The following RBBP5 variants were observed in gnomAD, a reference collection of about 807,000 sequenced individuals.
The protein encoded by RBBP5 is RB binding protein 5, histone lysine methyltransferase complex subunit.
Under a neutral mutation model 72.2 loss-of-function variants are expected in RBBP5, and 5 were observed. The ratio of observed to expected loss-of-function variants is 0.07; its 90% confidence interval spans 0.04 to 0.15. The LOEUF is 0.15. Among genes scored for constraint, RBBP5 ranks in the 10% least tolerant of loss-of-function variants. The probability of loss-of-function intolerance (pLI) is 1.00; values close to 1 mark genes in which losing one functional copy is unlikely to be tolerated. For synonymous variants in RBBP5, 209 were observed against 237.2 expected (o/e 0.88, Z 1.09); for missense variants, 322 against 652.2 (o/e 0.49, Z 5.51).
chr1:205,098,130 T>C (rs943344973), intron 10 of RBBP5, among the ~76,000 whole-genome samples: 11 of 152,234 alleles, frequency 7.2e-5, no homozygotes, highest in African/African-American at 2.7e-4. Flanking sequence ...GTGCTTATTA[T>C]GGCCTAGGCA....
intron 1 of RBBP5, among the ~76,000 whole-genome samples, chr1:205,118,818 G>T (rs916232239): frequency 6.6e-6 from 1 of 152,140 alleles, no homozygotes; most frequent in Non-Finnish European, 1.5e-5. Flanking sequence ...TATCTCCGGT[G>T]CACACTGGTG....
intron 5 of RBBP5, among the ~76,000 whole-genome samples, chr1:205,101,988 C>T (rs1176093225): frequency 6.6e-6 from 1 of 151,040 alleles, no homozygotes; most frequent in Admixed American, 6.6e-5. Flanking sequence ...CCTCTGCCTC[C>T]TGGGTTCAAG....
intron 3 of RBBP5, among the ~76,000 whole-genome samples, chr1:205,107,946 CAAA>C (rs772446580): frequency 8.0e-5 from 8 of 100,032 alleles, no homozygotes; most frequent in Non-Finnish European, 9.7e-5. Flanking sequence ...AAATCTGTCT[CAAA>C]AAAAAAAAAA....
chr1:205,094,822 A>G, intron 13 of RBBP5, 51 bp downstream of exon 13: 1 of 1,547,916 alleles, frequency 6.5e-7, no homozygotes, highest in East Asian at 2.3e-5. Context: ...CAAGGGCTAC[A>G]CAAAGCAAGG....
chr1:205,095,363 A>T (rs1655570150), intron 12 of RBBP5, among the ~76,000 whole-genome samples: 1 of 73,468 alleles, frequency 1.4e-5, no homozygotes, highest in Non-Finnish European at 2.9e-5. Context: ...TTCTTAAAAC[A>T]TTATGAGTTT....
At chr1:205,115,574 A>C (rs1310416749) in intron 2 of RBBP5, among the ~76,000 whole-genome samples, 1 of 152,176 alleles carries the variant, frequency 6.6e-6, no homozygotes, top group African/African-American at 2.4e-5. Context: ...AAAAGCACAA[A>C]CCTATGATGG....
In RBBP5 at chr1:205,121,893, C is replaced by T; in HGVS notation, c.-20G>A. The T allele has an allele frequency of 2.5e-6, 4 of 1,610,034 alleles. No individual in the cohort carries two copies. The highest frequency in any genetic ancestry group is 2.5e-6 in the Non-Finnish European group (3 of 1,179,946). The stretch of plus-strand genomic sequence containing the variant: ...GTTCATCCCTGCGGACTGTGGCCGC[C>T]CGGTCTCAGCTCCGGCAACAACACC... On this transcript the variant is annotated 5_prime_UTR_variant, in exon 1 of 14. Coordinates refer to ENST00000264515, the MANE Select transcript of RBBP5 (RefSeq NM_005057.4).
chr1:205,110,760 A>T (rs910694687), intron 3 of RBBP5, among the ~76,000 whole-genome samples: 1 of 152,142 alleles, frequency 6.6e-6, no homozygotes, highest in Admixed American at 6.5e-5. Context: ...TATTCTTTTA[A>T]TTTTTAAAAA....
intron 1 of RBBP5, among the ~76,000 whole-genome samples, chr1:205,117,517 A>T (rs973031569): frequency 1.3e-5 from 2 of 150,612 alleles, no homozygotes; most frequent in African/African-American, 4.9e-5. Flanking sequence ...AAAATTAGCC[A>T]GGCGTGGTGG....
At chr1:205,121,741 G>A (rs1348838348) in intron 1 of RBBP5, 114 bp downstream of exon 1, 6 of 1,525,408 alleles carry the variant, frequency 3.9e-6, no homozygotes, top group African/African-American at 1.4e-5. Context: ...GGTGTGCCCA[G>A]TGATCCATAG....
intron 6 of RBBP5, among the ~76,000 whole-genome samples, chr1:205,101,050 T>C (rs11578293): frequency 0.42 from 64,135 of 152,046 alleles, 14,175 homozygotes; most frequent in Non-Finnish European, 0.47. Context: ...TCCAGCTGTG[T>C]GGCAGGGTTC....
intron 10 of RBBP5, 149 bp from the exon 11 acceptor site, chr1:205,097,544 G>C: frequency 2.5e-6 from 2 of 798,456 alleles, no homozygotes; most frequent in East Asian, 2.7e-5. Flanking sequence ...ACAAATATGT[G>C]CTGAATTTCC....
intron 13 of RBBP5, among the ~76,000 whole-genome samples, chr1:205,090,117 G>A (rs758010301): frequency 1.3e-5 from 2 of 152,188 alleles, no homozygotes; most frequent in Non-Finnish European, 2.9e-5. Flanking sequence ...GACTCCCAAA[G>A]TGCTGGGATT....
At position 205,110,665 on chromosome 1, in the gene RBBP5, A is replaced by G. The variant is rs140508687; in HGVS notation, c.218+4124T>C. ...ACATAAAAAGATATAGATATCTTAT[A>G]GATAGAATATATTCCACACTCTTTA... On this transcript the variant is annotated intron_variant, in intron 3 of 13. Coordinates refer to ENST00000264515, the MANE Select transcript of RBBP5 (RefSeq NM_005057.4). Among the ~76,000 whole-genome samples, 62 of 152,364 alleles carry G rather than the reference A, an allele frequency of 4.1e-4. 1 individual carries two copies. In the East Asian group the frequency reaches 8.9e-3, roughly 22 times the overall value.
At position 205,094,836 on chromosome 1, in the gene RBBP5, C is replaced by T. The variant is rs146505535; in HGVS notation, c.1588+37G>A. 1.8e-5 allele frequency: 29 copies of T among 1,571,320 alleles called. No individual in the cohort carries two copies. The Admixed American group carries it at 3.6e-4, about 20-fold the overall frequency. On this transcript the variant is annotated intron_variant, in intron 13 of 13. Transcript: ENST00000264515. Reference sequence around the variant, plus strand: ...TCAAGGGCTACACAAAGCAAGGCCACGAAGCAAGCCAGACAATGCTCCCAA... The same window carrying T: ...TCAAGGGCTACACAAAGCAAGGCCATGAAGCAAGCCAGACAATGCTCCCAA...
chr1:205,109,071 G>A (rs1261425413), intron 3 of RBBP5, among the ~76,000 whole-genome samples: 6 of 152,150 alleles, frequency 3.9e-5, no homozygotes, highest in Non-Finnish European at 7.3e-5. Flanking sequence ...AATATAGAGG[G>A]ATTAAGTTAA....
chr1:205,113,018 G>A (rs868813820), intron 3 of RBBP5, among the ~76,000 whole-genome samples: 20 of 152,102 alleles, frequency 1.3e-4, no homozygotes, highest in Non-Finnish European at 2.2e-4. Flanking sequence ...CTAGCTACGC[G>A]GGAGGATCAC....
Position 205,096,823 on chromosome 1 carries a change from G to C in RBBP5, c.1255C>G (p.Pro419Ala). Reference protein sequence around the residue: ...EDPEENPYGPPPDAVQTSLMD... With the variant: ...EDPEENPYGPAPDAVQTSLMD... ...AAGGAGGTTTGGACTGCATCCGGTG[G>C]GGGGCCGTAAGGATTTTCTTCTGGG... Residue 419 changes from proline to alanine, a missense_variant, in exon 12 of 14, where the codon CCA becomes GCA. This residue lies in a region of RBBP5 where 109 missense variants were observed against 146.3 expected (regional missense o/e 0.75). Coordinates refer to ENST00000264515, the MANE Select transcript of RBBP5 (RefSeq NM_005057.4). The C allele has an allele frequency of 1.2e-6, 2 of 1,614,166 alleles. No individual in the cohort carries two copies. The highest frequency in any genetic ancestry group is 1.7e-6 in the Non-Finnish European group (2 of 1,180,030).
chr1:205,094,991 T>C lies in RBBP5; in HGVS notation c.1470A>G (p.Ser490=), dbSNP rs1272970997. Residue 490 remains serine, a synonymous_variant, in exon 13 of 14, where the codon TCA becomes TCG. Transcript: ENST00000264515. Reference sequence around the variant, plus strand: ...ATGGAGAATCTTTCTCTTTACCTTTTGATCCTTTAGGCCGGCCTGCTTGCT... The same window carrying C: ...ATGGAGAATCTTTCTCTTTACCTTTCGATCCTTTAGGCCGGCCTGCTTGCT... ...KKKQAGRPKG[S]KGKEKDSPFK... is the part of the protein sequence containing the mutation. 6.2e-7 allele frequency: 1 copy of C among 1,614,138 alleles called. No individual in the cohort carries two copies. The highest frequency in any genetic ancestry group is 2.2e-5 in the East Asian group (1 of 44,860).
Sources: allele counts gnomAD v4.1 joint callset (sites outside exome capture counted in the v4.1 genomes callset), GRCh38; gene constraint gnomAD v4.1.1; regional missense constraint gnomAD v4.1.1; transcripts MANE v1.5; gene names NCBI Gene and HGNC (gene_info 2026-07-23, HGNC 2026-07-21).